Variants in YBX3 observed in about 807,000 individuals in gnomAD.
The protein encoded by YBX3 is Y-box binding protein 3.
A neutral mutation model predicts 42.4 loss-of-function variants in YBX3; 29 were observed. That is an observed-to-expected ratio of 0.68 (90% CI 0.51 to 0.93). The LOEUF is 0.93. Ranked by LOEUF, YBX3 falls within the 40% of genes least tolerant of loss-of-function variation. The pLI, the probability that YBX3 is intolerant of heterozygous loss-of-function variation, is 0.00. For missense variants in YBX3, 517 were observed against 527.5 expected (o/e 0.98, Z 0.19); for synonymous variants, 195 against 189.8 (o/e 1.03, Z -0.22).
In YBX3 at chr12:10,699,234, G is replaced by A. The variant is rs15223; in HGVS notation, c.*455C>T. On this transcript the variant is annotated 3_prime_UTR_variant, in exon 10 of 10. Coordinates refer to ENST00000228251, the MANE Select transcript of YBX3 (RefSeq NM_003651.5). Reference sequence around the variant, plus strand: ...TAAATTTTTTTTTTTTTTAAATCATGACACTTGGAGGTTTAGCACCAGCAT... The same window carrying A: ...TAAATTTTTTTTTTTTTTAAATCATAACACTTGGAGGTTTAGCACCAGCAT... The A allele has an allele frequency of 6.7e-6, 1 of 150,190 alleles. No homozygotes were observed. Among genetic ancestry groups the A allele is most frequent in the South Asian group, 2.1e-4 (1 of 4,728 alleles). 9.3% of individuals were successfully genotyped at this position (150,190 alleles called of 1,614,324 possible). A position where few individuals can be genotyped will look rare whatever the true frequency, so the allele number is the denominator to read the frequency against.
chr12:10,710,297 G>A, intron 5 of YBX3, 183 bp from the exon 6 acceptor site: 2 of 1,482,740 alleles, frequency 1.3e-6, no homozygotes, highest in Non-Finnish European at 1.8e-6. Context: ...ACTACATTAA[G>A]ATTAGAGTAG....
At chr12:10,719,037 G>GT in intron 2 of YBX3, 43 bp downstream of exon 2, 2 of 1,570,428 alleles carry the variant, frequency 1.3e-6, no homozygotes, top group South Asian at 1.1e-5. Context: ...GTGCCACAAT[G>GT]TAAGTATAAA....
At chr12:10,709,269 T>A in intron 6 of YBX3, among the ~76,000 whole-genome samples, 1 of 152,200 alleles carries the variant, frequency 6.6e-6, no homozygotes, top group Admixed American at 6.5e-5. Context: ...CCCTAGGAAC[T>A]GCAAAATTGA....
chr12:10,715,962 T>A, intron 3 of YBX3, 179 bp from the exon 4 acceptor site: 1 of 580,038 alleles, frequency 1.7e-6, no homozygotes, highest in Non-Finnish European at 3.1e-6. Context: ...TAAAACTATA[T>A]TCCACATTAC....
chr12:10,722,827 C>T, intron 1 of YBX3, 23 bp downstream of exon 1: 1 of 1,445,786 alleles, frequency 6.9e-7, no homozygotes, highest in African/African-American at 1.5e-5. Context: ...ACGGCAGCCC[C>T]TGCCCTCCCT....
Position 10,719,159 on chromosome 12 carries a change from G to A in YBX3, c.263-16C>T, listed in dbSNP as rs765117526. Reference sequence around the variant, plus strand: ...ACTTTGGTGGCTAAAATAGGATTAAGCAGATAAATTAGTATCTGACCTACA... The same window carrying A: ...ACTTTGGTGGCTAAAATAGGATTAAACAGATAAATTAGTATCTGACCTACA... On this transcript the variant is annotated splice_polypyrimidine_tract_variant and intron_variant, in intron 1 of 9. Coordinates refer to ENST00000228251, the MANE Select transcript of YBX3 (RefSeq NM_003651.5). The A allele has an allele frequency of 1.9e-6, 3 of 1,609,798 alleles. No homozygotes were observed. The highest frequency in any genetic ancestry group is 1.1e-5 in the South Asian group (1 of 90,728).
At chr12:10,721,048 T>C (rs1948319020) in intron 1 of YBX3, 1 of 152,212 alleles carries the variant, frequency 6.6e-6, no homozygotes, top group Admixed American at 6.5e-5. Context: ...TAAACTCAAG[T>C]GAAGGCCCAT....
At chr12:10,707,813 T>C (rs1948154680) in intron 6 of YBX3, among the ~76,000 whole-genome samples, 1 of 152,158 alleles carries the variant, frequency 6.6e-6, no homozygotes, top group Non-Finnish European at 1.5e-5. Context: ...TTTAGTTTCC[T>C]AAGTAAGCTC....
chr12:10,718,095 A>G lies in YBX3; in HGVS notation c.353T>C (p.Val118Ala), dbSNP rs1474028984. 6.2e-7 allele frequency: 1 copy of G among 1,612,178 alleles called. No individual in the cohort carries two copies. The highest frequency in any genetic ancestry group is 1.7e-5 in the Admixed American group (1 of 59,890). Residue 118 changes from valine to alanine, a missense_variant, in exon 3 of 10, where the codon GTA (valine) becomes GCA (alanine). By Grantham distance (64) the Val-to-Ala change is moderately conservative (BLOSUM62 0). This residue lies in a region of YBX3 where 420 missense variants were observed against 408.5 expected (regional missense o/e 1.03). Transcript: ENST00000228251. ...NRNDTKEDVF[V>A]HQTAIKKNNP... Reference sequence around the variant, plus strand: ...ATTTATAATCCCTCTTACCTGATGTACAAATACATCTTCTTTGGTGTCATT... The same window carrying G: ...ATTTATAATCCCTCTTACCTGATGTGCAAATACATCTTCTTTGGTGTCATT...
At chr12:10,709,853 A>C in intron 6 of YBX3, 55 bp downstream of exon 6, 2 of 1,597,642 alleles carry the variant, frequency 1.3e-6, no homozygotes, top group Non-Finnish European at 1.7e-6. Context: ...AAGAGGAGGC[A>C]GAGAAGGACG....
intron 5 of YBX3, chr12:10,712,670 CAAT>C (rs1948212601): frequency 6.6e-6 from 1 of 152,126 alleles, no homozygotes; most frequent in South Asian, 2.1e-4. Context: ...AAGGTTAAGT[CAAT>C]GATGGAAATC....
At chr12:10,702,157 T>C (rs113020416) in intron 7 of YBX3, 23 bp from the exon 8 acceptor site, 267 of 1,603,028 alleles carry the variant, frequency 1.7e-4, no homozygotes, top group Middle Eastern at 6.7e-4. Flanking sequence ...CAGAAGAAAA[T>C]AGAACAGGTG....
rs374011603 is a variant in YBX3, at chr12:10,709,974, C to A, written c.714G>T (p.Pro238=). 2 of 1,612,206 alleles carry A rather than the reference C, an allele frequency of 1.2e-6. No individual in the cohort carries two copies. The highest frequency in any genetic ancestry group is 1.7e-6 in the Non-Finnish European group (2 of 1,178,574). ...CAAAGGTCTGTCCCACGTGGTAAGGCGGGAACCGCCGCTGCCGGTACTGAG... is the reference window on the plus strand; with the variant it reads ...CAAAGGTCTGTCCCACGTGGTAAGGAGGGAACCGCCGCTGCCGGTACTGAG... ...YRPQYRQRRF[P]PYHVGQTFDR... is the part of the protein sequence containing the mutation. The change falls in exon 6 of 10, where the codon CCG becomes CCT. Residue 238 remains proline (P), a synonymous_variant. Transcript: ENST00000228251.
intron 4 of YBX3, among the ~76,000 whole-genome samples, chr12:10,714,255 A>T (rs950543001): frequency 1.4e-4 from 22 of 152,372 alleles, no homozygotes; most frequent in African/African-American, 5.3e-4. Flanking sequence ...CATTAGGAAC[A>T]TGACCTATGG....
chr12:10,722,605 A>G (rs1948340581), intron 1 of YBX3, among the ~76,000 whole-genome samples: 1 of 152,240 alleles, frequency 6.6e-6, no homozygotes, highest in African/African-American at 2.4e-5. Flanking sequence ...GCCCGGAACC[A>G]GAAGGGAGAT....
intron 2 of YBX3, 127 bp downstream of exon 2, chr12:10,718,953 A>G (rs868505111): frequency 1.4e-6 from 1 of 738,080 alleles, no homozygotes; most frequent in South Asian, 1.8e-5. Context: ...TAGAAATGAG[A>G]ATATTTACAG....
intron 5 of YBX3, 143 bp downstream of exon 5, chr12:10,713,068 A>C (rs551800336): frequency 1.7e-6 from 2 of 1,170,556 alleles, no homozygotes; most frequent in East Asian, 5.1e-5. Context: ...TAAGATAAAA[A>C]TTTCCTCTAA....
In YBX3 at chr12:10,701,236, G is replaced by C. The variant is rs1948074710; in HGVS notation, c.*34+18C>G. 2.6e-6 allele frequency: 2 copies of C among 771,628 alleles called. No individual in the cohort carries two copies. Among genetic ancestry groups the C allele is most frequent in the Admixed American group, 3.5e-5 (2 of 56,648 alleles). The allele number at this position is 771,628 out of a possible 1,614,324, so 47.8% of individuals were successfully genotyped here. On this transcript the variant is annotated intron_variant, in intron 9 of 9. Transcript: ENST00000228251. ...AAAAGAAAATACCAACTCAAGACTG[G>C]GCTGCCCCAGCTCTTACCTGCCGAT...
At chr12:10,720,721 G>A (rs1044647646) in intron 1 of YBX3, 1 of 152,112 alleles carries the variant, frequency 6.6e-6, no homozygotes, top group South Asian at 2.1e-4. Context: ...ATTGTTGAAG[G>A]AATAATCTTG....
Sources: allele counts gnomAD v4.1 joint callset (sites outside exome capture counted in the v4.1 genomes callset), GRCh38; gene constraint gnomAD v4.1.1; regional missense constraint gnomAD v4.1.1; transcripts MANE v1.5; gene names NCBI Gene and HGNC (gene_info 2026-07-23, HGNC 2026-07-21).